Variants in CCDC178 observed in about 807,000 individuals in gnomAD.
CCDC178 encodes the protein coiled-coil domain-containing protein 178.
In CCDC178, 126 loss-of-function variants were observed where a neutral mutation model predicts 117.4. The ratio of observed to expected loss-of-function variants is 1.07; its 90% CI spans 0.93 to 1.24. The LOEUF (loss-of-function observed/expected upper bound fraction) is 1.24, where lower values mean the gene tolerates loss of function less well. Among genes scored for constraint, CCDC178 ranks in the 50% most tolerant of loss-of-function variants. The pLI is 0.00. For synonymous variants in CCDC178, 283 were observed against 313.4 expected (o/e 0.90, Z 1.02); for missense variants, 1,030 against 986.9 (o/e 1.04, Z -0.59).
chr18:33,054,095 C>T (rs2056788489), intron 21 of CCDC178, among the ~76,000 whole-genome samples: 1 of 152,068 alleles, frequency 6.6e-6, no homozygotes, highest in African/African-American at 2.4e-5. Context: ...TCTCTATCCC[C>T]GTGAAAATAC....
At chr18:33,132,951 C>T (rs938778019) in intron 20 of CCDC178, among the ~76,000 whole-genome samples, 1 of 151,650 alleles carries the variant, frequency 6.6e-6, no homozygotes, top group African/African-American at 2.4e-5. Flanking sequence ...TTTAATTTCC[C>T]GAGGCAAAAG....
intron 21 of CCDC178, among the ~76,000 whole-genome samples, chr18:32,989,787 G>T (rs1313462518): frequency 6.6e-6 from 1 of 151,986 alleles, no homozygotes; most frequent in Non-Finnish European, 1.5e-5. Context: ...ATATGGGAGG[G>T]CCTGAGCAAT....
intron 20 of CCDC178, among the ~76,000 whole-genome samples, chr18:33,164,217 C>T (rs2058500593): frequency 6.6e-6 from 1 of 151,278 alleles, no homozygotes; most frequent in African/African-American, 2.4e-5. Flanking sequence ...AAACAATTCT[C>T]CTGCCTCAGC....
intron 21 of CCDC178, among the ~76,000 whole-genome samples, chr18:33,038,463 C>G (rs1461614843): frequency 1.3e-5 from 2 of 151,848 alleles, no homozygotes; most frequent in African/African-American, 4.8e-5. Flanking sequence ...ATTAGATATA[C>G]TTGTATTTTT....
At chr18:33,122,636 T>C (rs2057952549) in intron 20 of CCDC178, among the ~76,000 whole-genome samples, 1 of 152,094 alleles carries the variant, frequency 6.6e-6, no homozygotes, top group Admixed American at 6.6e-5. Context: ...CAAACAGCCA[T>C]GGACAGATGA....
chr18:33,152,817 A>C (rs758711055), intron 20 of CCDC178, among the ~76,000 whole-genome samples: 132 of 152,144 alleles, frequency 8.7e-4, no homozygotes, highest in Non-Finnish European at 9.4e-4. Context: ...CAGAAAAAAG[A>C]AGATATAGTT....
chr18:33,267,500 T>A (rs188206631), intron 12 of CCDC178, among the ~76,000 whole-genome samples: 30 of 151,810 alleles, frequency 2.0e-4, no homozygotes, highest in African/African-American at 7.2e-4. Context: ...AAAACAGTCA[T>A]TTAATAAATT....
At chr18:33,230,723 G>A (rs1267183422) in intron 15 of CCDC178, among the ~76,000 whole-genome samples, 1 of 152,176 alleles carries the variant, frequency 6.6e-6, no homozygotes, top group Non-Finnish European at 1.5e-5. Context: ...CAAGGCCTTT[G>A]AGATGTTTTT....
chr18:33,433,913 A>T (rs996877609), intron 2 of CCDC178, among the ~76,000 whole-genome samples: 5 of 152,164 alleles, frequency 3.3e-5, no homozygotes, highest in African/African-American at 1.2e-4. Flanking sequence ...TGCTTTCATT[A>T]GTAATTCTAT....
At chr18:33,048,632 C>G (rs1008949920) in intron 21 of CCDC178, among the ~76,000 whole-genome samples, 1 of 152,046 alleles carries the variant, frequency 6.6e-6, no homozygotes, top group Non-Finnish European at 1.5e-5. Flanking sequence ...ATTTGTATAA[C>G]AAATCTCTAC....
At chr18:32,953,292 G>C (rs1010286637) in intron 22 of CCDC178, among the ~76,000 whole-genome samples, 1 of 152,156 alleles carries the variant, frequency 6.6e-6, no homozygotes, top group Admixed American at 6.5e-5. Context: ...TCTCAGACTG[G>C]ACTTCATTGT....
intron 21 of CCDC178, among the ~76,000 whole-genome samples, chr18:33,056,064 A>G (rs937239445): frequency 6.6e-6 from 1 of 152,154 alleles, no homozygotes; most frequent in African/African-American, 2.4e-5. Context: ...TGGCCCCACA[A>G]ATTGCTGTGA....
At chr18:32,983,459 T>G in intron 21 of CCDC178, 8 of 626,062 alleles carry the variant, frequency 1.3e-5, no homozygotes, top group Non-Finnish European at 2.2e-5. Flanking sequence ...GAAGCAGCTC[T>G]AAGATTTATT....
At chr18:33,022,094 G>T (rs2056132298) in intron 21 of CCDC178, among the ~76,000 whole-genome samples, 1 of 152,042 alleles carries the variant, frequency 6.6e-6, no homozygotes. Flanking sequence ...ACTGCCTAAT[G>T]GTCTTTTGGT....
In CCDC178 at chr18:33,212,037, CAT is replaced by C. The variant is rs1333246996; in HGVS notation, c.2095_2096del (p.Met699GlufsTer3). 1 of 1,585,170 alleles carries C rather than the reference CAT, an allele frequency of 6.3e-7. No homozygotes were observed. Among genetic ancestry groups the C allele is most frequent in the Non-Finnish European group, 8.5e-7 (1 of 1,169,716 alleles). On this transcript the variant is annotated frameshift_variant, in exon 20 of 23. Coordinates refer to ENST00000383096, the MANE Select transcript of CCDC178 (RefSeq NM_001105528.4). LOFTEE classifies it high-confidence loss of function. ...TTTGTGCATGTTCCCTTTTAAATCT[CAT>C]AGTTATAAATTTGTTCCTGTGAAGA... is the stretch of plus-strand genomic sequence containing the variant. ...LEILKNKFIT[M>X]RFKREHAQTV...
intron 20 of CCDC178, among the ~76,000 whole-genome samples, chr18:33,170,892 TATAGTAGCAC>T (rs1253822501): frequency 2.0e-5 from 3 of 150,566 alleles, no homozygotes; most frequent in African/African-American, 7.2e-5. Flanking sequence ...TTATTCATCT[TATAGTAGCAC>T]ATTATTTTCT....
At chr18:33,216,351 C>T (rs2059164887) in intron 18 of CCDC178, among the ~76,000 whole-genome samples, 1 of 152,046 alleles carries the variant, frequency 6.6e-6, no homozygotes, top group Admixed American at 6.6e-5. Context: ...CCAATATTTA[C>T]TACCAGCACT....
In CCDC178 at chr18:33,433,602, T is replaced by A. The variant is rs552428309; in HGVS notation, c.-23+6360A>T. Among the ~76,000 whole-genome samples the A allele has an allele frequency of 3.9e-5, 6 of 152,208 alleles. No homozygotes were observed. The South Asian group carries it at 1.2e-3, about 32-fold the overall frequency. On this transcript the variant is annotated intron_variant, in intron 2 of 22. Transcript: ENST00000383096. ...AAGGAAAATATCAGACTAAAATGAATAAGAAAATAAAGAAGAATAGAGTGA... is the reference window on the plus strand; with the variant it reads ...AAGGAAAATATCAGACTAAAATGAAAAAGAAAATAAAGAAGAATAGAGTGA...
chr18:33,099,230 A>G (rs1176516913), intron 20 of CCDC178, among the ~76,000 whole-genome samples: 1 of 152,098 alleles, frequency 6.6e-6, no homozygotes, highest in Non-Finnish European at 1.5e-5. Context: ...CTATCAATGC[A>G]TAGCATTACA....
Sources: allele counts gnomAD v4.1 joint callset (sites outside exome capture counted in the v4.1 genomes callset), GRCh38; gene constraint gnomAD v4.1.1; transcripts MANE v1.5; gene names NCBI Gene and HGNC (gene_info 2026-07-23, HGNC 2026-07-21).